PTCD3: variants seen among roughly 807,000 people sequenced by gnomAD.
The protein encoded by PTCD3 is small ribosomal subunit protein mS39.
In PTCD3, 89 loss-of-function variants were observed where a neutral mutation model predicts 101.9. The ratio of observed to expected loss-of-function variants is 0.87; its 90% CI spans 0.74 to 1.04. The LOEUF (loss-of-function observed/expected upper bound fraction) is 1.04, where lower values mean the gene tolerates loss of function less well. Among genes scored for constraint, PTCD3 ranks in the 50% least tolerant of loss-of-function variants. The pLI is 0.00. For missense variants in PTCD3, 870 were observed against 828.2 expected (o/e 1.05, Z -0.62); for synonymous variants, 296 against 278.5 (o/e 1.06, Z -0.63).
chr2:86,114,015 A>G (rs945127922), intron 4 of PTCD3, among the ~76,000 whole-genome samples: 3 of 149,478 alleles, frequency 2.0e-5, no homozygotes, highest in African/African-American at 5.2e-5. Context: ...GATATTCTCA[A>G]CATTTCAATG....
In PTCD3 at chr2:86,135,033, G is replaced by C. The variant is rs1674560783; in HGVS notation, c.1778+46G>C. 2.6e-6 allele frequency: 4 copies of C among 1,556,370 alleles called. No individual in the cohort carries two copies. In the Admixed American group the frequency reaches 5.6e-5, roughly 22 times the overall value. The stretch of plus-strand genomic sequence containing the variant: ...ATACACTTTAGAAGCTTTTGTATTT[G>C]AATCTAAAACATTGGCCCACGCTGG... On this transcript the variant is annotated intron_variant, in intron 21 of 23. Transcript: ENST00000254630.
Position 86,132,400 on chromosome 2 carries a change from C to T in PTCD3, c.1349C>T (p.Pro450Leu), listed in dbSNP as rs867825648. 6.3e-7 allele frequency: 1 copy of T among 1,599,210 alleles called. No individual in the cohort carries two copies. Among genetic ancestry groups the T allele is most frequent in the Non-Finnish European group, 8.6e-7 (1 of 1,166,900 alleles). Reference protein sequence around the residue: ...KTGDNWKFIGPDQHRNFYYSK... With the variant: ...KTGDNWKFIGLDQHRNFYYSK... ...GGAGACAACTGGAAATTCATTGGAC[C>T]TGATCAACATCGTAATTTCTATTAG... Residue 450 changes from proline (P) to leucine (L), a missense_variant, in exon 17 of 24, where the codon CCT becomes CTT. Transcript: ENST00000254630.
At chr2:86,116,451 C>T (rs951955253) in intron 4 of PTCD3, 79 bp from the exon 5 acceptor site, 1 of 1,151,866 alleles carries the variant, frequency 8.7e-7, no homozygotes, top group Non-Finnish European at 1.3e-6. Flanking sequence ...GCAGGAGAAT[C>T]CCTTGAGTCC....
chr2:86,130,222 C>T (rs1674471635), intron 14 of PTCD3, among the ~76,000 whole-genome samples: 1 of 152,150 alleles, frequency 6.6e-6, no homozygotes, highest in Non-Finnish European at 1.5e-5. Context: ...ATCGCTTGAA[C>T]CCGGGAGGCG....
At chr2:86,120,197 G>C (rs1674256832) in intron 7 of PTCD3, among the ~76,000 whole-genome samples, 1 of 152,162 alleles carries the variant, frequency 6.6e-6, no homozygotes, top group Admixed American at 6.5e-5. Flanking sequence ...CTGCATTGAA[G>C]TTCTTAGTGC....
chr2:86,130,828 C>T, intron 15 of PTCD3, 91 bp downstream of exon 15: 22 of 1,506,168 alleles, frequency 1.5e-5, no homozygotes, highest in Non-Finnish European at 1.8e-5. Context: ...ATCCCTATAG[C>T]TTAGAAGTAT....
In PTCD3 at chr2:86,108,489, T is replaced by C. The variant is rs201735206; in HGVS notation, c.158-11T>C. The C allele has an allele frequency of 1.1e-3, 1,749 of 1,592,462 alleles. 10 individuals carry two copies. The Middle Eastern group carries it at 0.022, about 20-fold the overall frequency. ...CTAGGAAACTGATTCATGTTTTCTTTTTTACATTAGGGATTGAAGAAGTAG... is the reference window on the plus strand; with the variant it reads ...CTAGGAAACTGATTCATGTTTTCTTCTTTACATTAGGGATTGAAGAAGTAG... On this transcript the variant is annotated splice_polypyrimidine_tract_variant and intron_variant, in intron 2 of 23. Transcript: ENST00000254630.
intron 6 of PTCD3, among the ~76,000 whole-genome samples, chr2:86,117,385 T>C (rs1198255400): frequency 1.3e-5 from 2 of 152,170 alleles, no homozygotes; most frequent in Non-Finnish European, 2.9e-5. Flanking sequence ...TGTGACACCA[T>C]GCTCTTAGGT....
At position 86,116,565 on chromosome 2, in the gene PTCD3, TCCTTA is replaced by T. The variant is rs766812962; in HGVS notation, c.282_286del (p.Leu95AlafsTer26). On this transcript the variant is annotated frameshift_variant, in exon 5 of 24. Coordinates refer to ENST00000254630, the MANE Select transcript of PTCD3 (RefSeq NM_017952.6). LOFTEE classifies it high-confidence loss of function. ...CTGTGCCTTATGTGTTTCAAGATGA[TCCTTA>T]CCTTATGCCAGCATCATCTTTGGAA... is the stretch of plus-strand genomic sequence containing the variant. 4 of 1,610,766 alleles carry T rather than the reference TCCTTA, an allele frequency of 2.5e-6. No individual in the cohort carries two copies. The African/African-American group carries it at 5.3e-5, about 22-fold the overall frequency.
chr2:86,114,265 A>G (rs1199757623), intron 4 of PTCD3, among the ~76,000 whole-genome samples: 1 of 152,044 alleles, frequency 6.6e-6, no homozygotes, highest in Non-Finnish European at 1.5e-5. Flanking sequence ...GCCAAGACTG[A>G]GAAAGGAATT....
intron 13 of PTCD3, chr2:86,127,664 C>A (rs1674420365): frequency 2.1e-6 from 1 of 472,140 alleles, no homozygotes; most frequent in Non-Finnish European, 3.7e-6. Context: ...TTGAAAGTTG[C>A]TTTGGGAATC....
chr2:86,127,639 T>C, intron 13 of PTCD3: 1 of 470,520 alleles, frequency 2.1e-6, no homozygotes, highest in Non-Finnish European at 3.8e-6. Flanking sequence ...TGTATATTTT[T>C]CATTAATTAC....
At chr2:86,123,655 T>C in intron 8 of PTCD3, 46 bp from the exon 9 acceptor site, 1 of 1,413,282 alleles carries the variant, frequency 7.1e-7, no homozygotes, top group Non-Finnish European at 9.7e-7. Context: ...GGGAAATGCA[T>C]TCCATTGCCT....
chr2:86,107,443 G>C (rs3810828), intron 1 of PTCD3, among the ~76,000 whole-genome samples: 1 of 152,106 alleles, frequency 6.6e-6, no homozygotes, highest in East Asian at 1.9e-4. Flanking sequence ...GGAAGTATCT[G>C]TCTGTGCAAT....
rs191585663 is a variant in PTCD3, at chr2:86,130,949, T to C, written c.1238-129T>C. 858 of 1,395,450 alleles carry C rather than the reference T, an allele frequency of 6.1e-4. 3 individuals are homozygous for C. The African/African-American group carries it at 0.011, about 18-fold the overall frequency. 86.4% of individuals were successfully genotyped at this position (1,395,450 alleles called of 1,614,324 possible). A position where few individuals can be genotyped will look rare whatever the true frequency, so the allele number is the denominator to read the frequency against. ...AATTGTGGTACATTCCTGCCTCTCT[T>C]AAGTTTTTATGTTCTTAGCTTTATC... On this transcript the variant is annotated intron_variant, in intron 15 of 23. Coordinates refer to ENST00000254630, the MANE Select transcript of PTCD3 (RefSeq NM_017952.6).
intron 14 of PTCD3, 92 bp downstream of exon 14, chr2:86,128,083 C>T: frequency 9.4e-7 from 1 of 1,062,604 alleles, no homozygotes; most frequent in Non-Finnish European, 1.4e-6. Context: ...ATCTTCTCTG[C>T]ATATGAATTA....
In PTCD3 at chr2:86,139,394, G is replaced by A. The variant is rs553479296; in HGVS notation, c.*1835G>A. The stretch of plus-strand genomic sequence containing the variant: ...ATCTGTGTCCCAGCTAATTGGGAGG[G>A]TGAGTTGGGAGGATTGTTTGAGCCT... On this transcript the variant is annotated 3_prime_UTR_variant, in exon 24 of 24. Transcript: ENST00000254630. 1.7e-3 allele frequency: 261 copies of A among 152,362 alleles called. 2 individuals carry two copies. Among genetic ancestry groups the A allele is most frequent in the Non-Finnish European group, 2.8e-3 (194 of 68,132 alleles). 9.4% of individuals were successfully genotyped at this position (152,362 alleles called of 1,614,324 possible). A position where few individuals can be genotyped will look rare whatever the true frequency, so the allele number is the denominator to read the frequency against.
Position 86,132,430 on chromosome 2 carries a change from T to C in PTCD3, c.1373+6T>C. On this transcript the variant is annotated splice_donor_region_variant and intron_variant, in intron 17 of 23. Transcript: ENST00000254630. ...CAACATCGTAATTTCTATTAGTAAG[T>C]GTGTTGGAAACATATCCTTTTGCAT... 6.4e-7 allele frequency: 1 copy of C among 1,558,452 alleles called. No homozygotes were observed. Among genetic ancestry groups the C allele is most frequent in the Non-Finnish European group, 8.8e-7 (1 of 1,130,908 alleles).
rs1674649498 is a variant in PTCD3 at position 86,139,620 on chromosome 2, G to A, written c.*2061G>A. ...GAGTTTGAGACCAGCCTGGGTAACA[G>A]TGAGACCCCCCTCCCTACAAAAGAT... On this transcript the variant is annotated 3_prime_UTR_variant, in exon 24 of 24. Coordinates refer to ENST00000254630, the MANE Select transcript of PTCD3 (RefSeq NM_017952.6). 6.7e-6 allele frequency: 1 copy of A among 149,240 alleles called. No homozygotes were observed. Among genetic ancestry groups the A allele is most frequent in the Admixed American group, 6.6e-5 (1 of 15,188 alleles). 9.2% of individuals were successfully genotyped at this position (149,240 alleles called of 1,614,324 possible).
Sources: allele counts gnomAD v4.1 joint callset (sites outside exome capture counted in the v4.1 genomes callset), GRCh38; gene constraint gnomAD v4.1.1; transcripts MANE v1.5; gene names NCBI Gene and HGNC (gene_info 2026-07-23, HGNC 2026-07-21).